The following PAICS variants were observed in gnomAD, a reference collection of about 807,000 sequenced individuals.
PAICS encodes the protein bifunctional phosphoribosylaminoimidazole carboxylase/phosphoribosylaminoimidazole succinocarboxamide synthetase.
PAICS carries 33 observed loss-of-function variants against 53.7 expected under a neutral mutation model. The ratio of observed to expected loss-of-function variants is 0.61; its 90% CI spans 0.47 to 0.82. PAICS has a LOEUF of 0.82. Among genes scored for constraint, PAICS ranks in the 40% least tolerant of loss-of-function variants. PAICS has a pLI of 0.00. For missense variants in PAICS, 394 were observed against 494.1 expected (o/e 0.80, Z 1.92); for synonymous variants, 141 against 167.2 (o/e 0.84, Z 1.21).
At chr4:56,437,256 G>GGTGTGTGTGTGTGTGTGT (rs57161391) in intron 1 of PAICS, among the ~76,000 whole-genome samples, 32 of 124,400 alleles carry the variant, frequency 2.6e-4, no homozygotes, top group African/African-American at 7.3e-4. Context: ...ATGCCATGAT[G>GGTGTGTGTGTGTGTGTGT]GTGTGTGTGT....
chr4:56,434,096 T>TA (rs942198830), upstream of PAICS, among the ~76,000 whole-genome samples: 20 of 152,042 alleles, frequency 1.3e-4, no homozygotes, highest in Admixed American at 2.6e-4. Flanking sequence ...AAACTTTTTT[T>TA]AAAAAAAACA....
rs1405157639 is a variant in PAICS, at chr4:56,453,657, G to A, written c.1007G>A (p.Gly336Glu). ...VAVAGRSNGL[G>E]PVMSGNTAYP... ...GTGGCAGGCAGAAGTAATGGTTTGG[G>A]ACCAGTGATGTCTGGGAACACTGCA... Residue 336 changes from glycine (G) to glutamate (E), a missense_variant, in exon 8 of 9, where the codon GGA becomes GAA. This residue lies in a region of PAICS where 131 missense variants were observed against 205.5 expected (regional missense o/e 0.64). Coordinates refer to ENST00000512576, the MANE Select transcript of PAICS (RefSeq NM_001079524.2). 6.3e-7 allele frequency: 1 copy of A among 1,578,642 alleles called. No homozygotes were observed. The highest frequency in any genetic ancestry group is 2.3e-5 in the East Asian group (1 of 43,996).
At chr4:56,455,939 AATT>A (rs1379449669) in intron 8 of PAICS, among the ~76,000 whole-genome samples, 3 of 152,004 alleles carry the variant, frequency 2.0e-5, no homozygotes, top group Non-Finnish European at 2.9e-5. Flanking sequence ...ATTTTCCTTG[AATT>A]ATTTAATTTT....
chr4:56,433,024 A>G (rs1436100639), upstream of PAICS, among the ~76,000 whole-genome samples: 3 of 151,016 alleles, frequency 2.0e-5, no homozygotes, highest in South Asian at 4.2e-4. Context: ...AAACTAAACT[A>G]AAAGAAAAAG....
rs1452456982 is a variant in PAICS at position 56,462,526 on chromosome 4, T to C, written c.*2988T>C. 6.6e-6 allele frequency: 1 copy of C among 152,182 alleles called. No homozygotes were observed. Among genetic ancestry groups the C allele is most frequent in the African/African-American group, 2.4e-5 (1 of 41,434 alleles). 9.4% of individuals were successfully genotyped at this position (152,182 alleles called of 1,614,324 possible). On this transcript the variant is annotated 3_prime_UTR_variant, in exon 9 of 9. Coordinates refer to ENST00000512576, the MANE Select transcript of PAICS (RefSeq NM_001079524.2). ...GGGATGATGTATGATCTTCAACATG[T>C]CTAATTTTTTTGTGCCTCAATTTCA...
intron 7 of PAICS, 104 bp downstream of exon 7, chr4:56,452,156 T>G: frequency 1.3e-6 from 1 of 769,582 alleles, no homozygotes; most frequent in South Asian, 2.0e-5. Flanking sequence ...GTCAGTTTTC[T>G]AAGGGAAAAA....
At chr4:56,420,995 G>A in the PAICS span, 1 of 152,198 alleles carries the variant, frequency 6.6e-6, no homozygotes, top group Non-Finnish European at 1.5e-5. Flanking sequence ...CTGGTCCGTG[G>A]CCTGTTACGA....
At chr4:56,455,675 A>ATC (rs1299727837) in intron 8 of PAICS, among the ~76,000 whole-genome samples, 1 of 152,186 alleles carries the variant, frequency 6.6e-6, no homozygotes, top group Non-Finnish European at 1.5e-5. Flanking sequence ...CTATGCTGAA[A>ATC]ATCATTTTGC....
chr4:56,446,591 G>A, intron 2 of PAICS, 104 bp from the exon 3 acceptor site: 1 of 683,752 alleles, frequency 1.5e-6, no homozygotes, highest in East Asian at 2.7e-5. Flanking sequence ...ATTTTTGATA[G>A]AGGTTCTTTG....
chr4:56,422,880 T>G, the PAICS span: 22 of 152,202 alleles, frequency 1.4e-4, no homozygotes, highest in Non-Finnish European at 2.6e-4. Flanking sequence ...AACTGAGAAC[T>G]TACTCAAAAT....
chr4:56,462,821 A>C lies in PAICS; in HGVS notation c.*3283A>C, dbSNP rs1048434215. ...TTCGAGACCAGCCTGACCAACATGG[A>C]GAAACCCAGTCTCTAATAAAAATAC... is the stretch of plus-strand genomic sequence containing the variant. On this transcript the variant is annotated 3_prime_UTR_variant, in exon 9 of 9. Transcript: ENST00000512576. The C allele has an allele frequency of 6.6e-6, 1 of 152,070 alleles. No individual in the cohort carries two copies. Among genetic ancestry groups the C allele is most frequent in the Non-Finnish European group, 1.5e-5 (1 of 68,036 alleles). 9.4% of individuals were successfully genotyped at this position (152,070 alleles called of 1,614,324 possible).
the PAICS span, among the ~76,000 whole-genome samples, chr4:56,424,354 G>A: frequency 6.6e-6 from 1 of 152,100 alleles, no homozygotes; most frequent in Non-Finnish European, 1.5e-5. Context: ...ATTTTTAGAC[G>A]GTTCTCAAGC....
At chr4:56,425,086 C>T in the PAICS span, among the ~76,000 whole-genome samples, 1 of 152,052 alleles carries the variant, frequency 6.6e-6, no homozygotes, top group Non-Finnish European at 1.5e-5. Context: ...AACATATTTC[C>T]AAAATTCAAA....
At chr4:56,411,636 T>C in the PAICS span, among the ~76,000 whole-genome samples, 3 of 152,350 alleles carry the variant, frequency 2.0e-5, no homozygotes, top group Admixed American at 6.5e-5. Flanking sequence ...CTAAATCTTA[T>C]AGATGCTATT....
chr4:56,456,509 T>C (rs1200862026), intron 8 of PAICS, among the ~76,000 whole-genome samples: 2 of 152,098 alleles, frequency 1.3e-5, no homozygotes, highest in Non-Finnish European at 2.9e-5. Context: ...CCCGGGCTCA[T>C]GTGATCCGCC....
intron 2 of PAICS, among the ~76,000 whole-genome samples, chr4:56,442,638 C>T (rs1263235189): frequency 6.6e-6 from 1 of 152,182 alleles, no homozygotes. Context: ...CGAAACCTTA[C>T]CTATGAAATA....
At chr4:56,444,858 C>A (rs1718526380) in intron 2 of PAICS, among the ~76,000 whole-genome samples, 1 of 152,068 alleles carries the variant, frequency 6.6e-6, no homozygotes, top group Non-Finnish European at 1.5e-5. Flanking sequence ...TTGGATACTA[C>A]TGTGTCCAGC....
chr4:56,436,372 C>T (rs1301629006), intron 1 of PAICS, 44 bp downstream of exon 1: 2 of 1,441,452 alleles, frequency 1.4e-6, no homozygotes, highest in Non-Finnish European at 1.9e-6. Flanking sequence ...CCCTGACCCC[C>T]AGGCCGTGAG....
At chr4:56,417,597 A>G in the PAICS span, among the ~76,000 whole-genome samples, 1 of 152,156 alleles carries the variant, frequency 6.6e-6, no homozygotes, top group South Asian at 2.1e-4. Flanking sequence ...CCTGGGCAAC[A>G]CAGTGAGACC....
Sources: allele counts gnomAD v4.1 joint callset (sites outside exome capture counted in the v4.1 genomes callset), GRCh38; gene constraint gnomAD v4.1.1; regional missense constraint gnomAD v4.1.1; transcripts MANE v1.5; gene names NCBI Gene and HGNC (gene_info 2026-07-23, HGNC 2026-07-21).